The following DNHD1 variants were observed in gnomAD, a reference collection of about 807,000 sequenced individuals.
The protein encoded by DNHD1 is dynein heavy chain domain-containing protein 1.
A neutral mutation model predicts 458.1 loss-of-function variants in DNHD1; 383 were observed. The ratio of observed to expected loss-of-function variants is 0.84; its 90% confidence interval spans 0.77 to 0.91. The LOEUF (loss-of-function observed/expected upper bound fraction) is 0.91. DNHD1 is among the 40% of genes least tolerant of loss of function. DNHD1 has a pLI of 0.00. For synonymous variants in DNHD1, 2,203 were observed against 2,376.9 expected (o/e 0.93, Z 2.13); for missense variants, 5,336 against 5,866.1 (o/e 0.91, Z 2.95).
In DNHD1 at chr11:6,570,580, G is replaced by A. The variant is rs118142577; in HGVS notation, c.13106-38G>A. ...CTCTCTCGAGTCTAGGGTGGGGAGA[G>A]TCCATCTTGTCCCTCACCCCTCACC... On this transcript the variant is annotated intron_variant, in intron 41 of 42. Transcript: ENST00000254579. 14,821 of 1,541,960 alleles carry A rather than the reference G, an allele frequency of 9.6e-3. 106 individuals are homozygous for A. The highest frequency in any genetic ancestry group is 0.017 in the Middle Eastern group (74 of 4,340).
Position 6,547,903 on chromosome 11 carries a change from G to A in DNHD1, c.6768G>A (p.Arg2256=), listed in dbSNP as rs1443101213. The A allele has an allele frequency of 4.5e-6, 7 of 1,551,640 alleles. No homozygotes were observed. The highest frequency in any genetic ancestry group is 6.1e-6 in the Non-Finnish European group (7 of 1,147,020). The change falls in exon 22 of 43, where the codon AGG becomes AGA. Residue 2256 remains arginine (R), a synonymous_variant. Transcript: ENST00000254579. ...SYSDPVAQSF[R]SSKSSFLNRS... is the part of the protein sequence containing the mutation. ...GTGATCCTGTGGCCCAAAGCTTCAG[G>A]TCTTCAAAAAGCAGCTTTCTAAACC...
rs747988608 is a variant in DNHD1 at position 6,533,172 on chromosome 11, G to C, written c.2493G>C (p.Gln831His). The change falls in exon 13 of 43, where the codon CAG (glutamine) becomes CAC (histidine). Residue 831 changes from glutamine (Q) to histidine (H), a missense_variant. Gln to His is a conservative substitution (Grantham distance 24). Transcript: ENST00000254579. ...TINSDIHAIA[Q>H]CTQKLNEANE... is the part of the protein sequence containing the mutation. ...ACTCAGATATTCATGCCATTGCACAGTGCACCCAGAAGGTGGGCTCTCCCC... is the reference window on the plus strand; with the variant it reads ...ACTCAGATATTCATGCCATTGCACACTGCACCCAGAAGGTGGGCTCTCCCC... 2 of 1,551,484 alleles carry C rather than the reference G, an allele frequency of 1.3e-6. No individual in the cohort carries two copies. The highest frequency in any genetic ancestry group is 1.7e-6 in the Non-Finnish European group (2 of 1,146,948).
Position 6,548,401 on chromosome 11 carries a change from A to G in DNHD1, c.7097A>G (p.Gln2366Arg), listed in dbSNP as rs1361364262. 6.4e-7 allele frequency: 1 copy of G among 1,551,588 alleles called. No homozygotes were observed. Among genetic ancestry groups the G allele is most frequent in the Non-Finnish European group, 8.7e-7 (1 of 1,146,910 alleles). The change falls in exon 23 of 43, where the codon CAG (glutamine) becomes CGG (arginine). Residue 2366 changes from glutamine to arginine, a missense_variant and splice_region_variant. This residue lies in a region of DNHD1 where 3,932 missense variants were observed against 4,365.6 expected (regional missense o/e 0.90). Transcript: ENST00000254579. The surrounding 1 kb of genome is among the most constrained non-coding windows in gnomAD (Gnocchi z 4.4). Reference sequence around the variant, plus strand: ...TTGGGCACCTTTCACCCTTCTATCCAGGTGTGAGGACAGTAAGGCAAGAGC... The same window carrying G: ...TTGGGCACCTTTCACCCTTCTATCCGGGTGTGAGGACAGTAAGGCAAGAGC... ...GTLGTFHPSI[Q>R]TERLLYVVDL...
intron 18 of DNHD1, among the ~76,000 whole-genome samples, chr11:6,540,649 A>C (rs1853079478): frequency 6.6e-6 from 1 of 152,210 alleles, no homozygotes; most frequent in Non-Finnish European, 1.5e-5. Context: ...CAGAGAGAGA[A>C]TTAGAGAAGT....
chr11:6,559,055 T>C lies in DNHD1; in HGVS notation c.9365T>C (p.Phe3122Ser), dbSNP rs1434613959. Residue 3122 changes from phenylalanine (F) to serine (S), a missense_variant, in exon 27 of 43, where the codon TTC (phenylalanine) becomes TCC (serine). Transcript: ENST00000254579. ...PKTFLDFLDT[F>S]LMLQQQTILK... is the part of the protein sequence containing the mutation. ...ACCTTCCTAGACTTCCTGGACACTT[T>C]CCTGATGCTGCAGCAACAGACAATC... 23 of 1,551,526 alleles carry C rather than the reference T, an allele frequency of 1.5e-5. No individual in the cohort carries two copies. Among genetic ancestry groups the C allele is most frequent in the African/African-American group, 2.7e-5 (2 of 72,996 alleles).
At position 6,560,715 on chromosome 11, in the gene DNHD1, T is replaced by C. The variant is rs554028154; in HGVS notation, c.9519+1432T>C. Among the ~76,000 whole-genome samples, 4 of 152,234 alleles carry C rather than the reference T, an allele frequency of 2.6e-5. No individual in the cohort carries two copies. In the East Asian group the frequency reaches 5.8e-4, roughly 22 times the overall value. ...GTCGTTCATTCAATAGCCATAATAG[T>C]GTGTACTTCTTCCAGTGTTCCCCAC... On this transcript the variant is annotated intron_variant, in intron 28 of 42. Transcript: ENST00000254579.
In DNHD1 at chr11:6,558,497, A is replaced by T. The variant is rs751477830; in HGVS notation, c.9015A>T (p.Gln3005His). 9 of 1,551,694 alleles carry T rather than the reference A, an allele frequency of 5.8e-6. No homozygotes were observed. In the South Asian group the frequency reaches 9.5e-5, roughly 16 times the overall value. ...CCCTGGCCCACAGGTTCCACCAGCA[A>T]GTGTGCAGCCACCTTCACCTGTTCT... ...KEMVLQRFHQ[Q>H]VCSHLHLFFL... is the part of the protein sequence containing the mutation. Residue 3005 changes from glutamine (Q) to histidine (H), a missense_variant, in exon 26 of 43, where the codon CAA becomes CAT. Gln to His is a conservative substitution (Grantham distance 24). Around this residue, in one of 4 missense-constraint regions of DNHD1, gnomAD observed 3,932 missense variants for 4,365.6 expected, o/e 0.90. Transcript: ENST00000254579.
chr11:6,532,967 C>T, intron 12 of DNHD1, 60 bp from the exon 13 acceptor site: 2 of 1,502,896 alleles, frequency 1.3e-6, no homozygotes, highest in Admixed American at 4.0e-5. Flanking sequence ...GACCACAGCA[C>T]TGTCCCCAGC....
rs1564995608 is a variant in DNHD1, at chr11:6,508,869, T to C, written c.921-11T>C. 1.2e-6 allele frequency: 2 copies of C among 1,613,644 alleles called. No homozygotes were observed. The highest frequency in any genetic ancestry group is 8.5e-7 in the Non-Finnish European group (1 of 1,179,902). On this transcript the variant is annotated splice_polypyrimidine_tract_variant and intron_variant, in intron 4 of 42. Coordinates refer to ENST00000254579, the MANE Select transcript of DNHD1 (RefSeq NM_144666.3). ...CCAGGGCCTTCACTGATCAGAGCTCTTTTTTTAAAGGCCTTACAGCCTGAT... is the reference window on the plus strand; with the variant it reads ...CCAGGGCCTTCACTGATCAGAGCTCCTTTTTTAAAGGCCTTACAGCCTGAT...
chr11:6,544,884 T>C lies in DNHD1; in HGVS notation c.3945T>C (p.Ser1315=), dbSNP rs1391737755. 3.2e-6 allele frequency: 5 copies of C among 1,551,660 alleles called. No individual in the cohort carries two copies. Among genetic ancestry groups the C allele is most frequent in the Admixed American group, 3.9e-5 (2 of 51,006 alleles). Residue 1315 remains serine, a synonymous_variant, in exon 21 of 43, where the codon AGT becomes AGC. Transcript: ENST00000254579. ...TGGTTCTGTCACTTGTAGTGCCCAG[T>C]GCCGAGAGGAGCCCTTACTTCCAAG... The part of the protein sequence containing the change: ...DPMVLSLVVP[S]AERSPYFQGQ...
chr11:6,567,661 G>C lies in DNHD1; in HGVS notation c.12152G>C (p.Cys4051Ser). Residue 4051 changes from cysteine (C) to serine (S), a missense_variant, in exon 36 of 43, where the codon TGC becomes TCC. Around this residue, in one of 4 missense-constraint regions of DNHD1, gnomAD observed 695 missense variants for 804.2 expected, o/e 0.86. Coordinates refer to ENST00000254579, the MANE Select transcript of DNHD1 (RefSeq NM_144666.3). ...CTGTGGCGCGTTCTGCGACCTGAGT[G>C]CCTGGCAGGTGCCCTGGCAGACTTC... is the stretch of plus-strand genomic sequence containing the variant. ...LILWRVLRPE[C>S]LAGALADFTT... is the part of the protein sequence containing the mutation. 3 of 1,613,902 alleles carry C rather than the reference G, an allele frequency of 1.9e-6. No homozygotes were observed.
In DNHD1 at chr11:6,546,170, T is replaced by C; in HGVS notation, c.5231T>C (p.Leu1744Pro). The C allele has an allele frequency of 6.4e-7, 1 of 1,551,012 alleles. No homozygotes were observed. The highest frequency in any genetic ancestry group is 1.2e-5 in the South Asian group (1 of 83,962). The change falls in exon 21 of 43, where the codon CTG becomes CCG. Residue 1744 changes from leucine to proline, a missense_variant. Transcript: ENST00000254579. The part of the protein sequence containing the change: ...AWLLLEKVHQ[L>P]PPGLLSALGQ... ...CTGCTGTTGGAGAAAGTTCATCAGC[T>C]GCCCCCTGGCTTGCTCTCTGCCCTG...
Position 6,564,115 on chromosome 11 carries a change from A to G in DNHD1, c.10275A>G (p.Thr3425=). Residue 3425 remains threonine, a synonymous_variant, in exon 31 of 43, where the codon ACA becomes ACG. Transcript: ENST00000254579. ...ALLTPMRAWT[T]QLQKLKGRCM... ...TCACGCCTATGCGTGCCTGGACTAC[A>G]CAGCTCCAGGTAACCATCCCCCTCC... 6.5e-7 allele frequency: 1 copy of G among 1,548,610 alleles called. No individual in the cohort carries two copies.
At position 6,558,103 on chromosome 11, in the gene DNHD1, G is replaced by A; in HGVS notation, c.8808G>A (p.Met2936Ile). The change falls in exon 25 of 43, where the codon ATG becomes ATA. Residue 2936 changes from methionine to isoleucine, a missense_variant. This residue lies in a region of DNHD1 where 3,932 missense variants were observed against 4,365.6 expected (regional missense o/e 0.90). Transcript: ENST00000254579. ...CLRDASWHAG[M>I]LSQPVALLVP... ...GAGATGCCAGCTGGCATGCTGGCAT[G>A]TTAAGCCAGCCAGTGGCTCTGTTGG... 1.9e-6 allele frequency: 3 copies of A among 1,551,712 alleles called. No individual in the cohort carries two copies. Among genetic ancestry groups the A allele is most frequent in the Non-Finnish European group, 2.6e-6 (3 of 1,146,998 alleles).
chr11:6,502,476 C>A (rs1487890421), intron 3 of DNHD1, among the ~76,000 whole-genome samples: 3 of 152,206 alleles, frequency 2.0e-5, no homozygotes, highest in African/African-American at 7.2e-5. Flanking sequence ...TAATTCCAAT[C>A]AATCCAGAAT....
chr11:6,571,802 C>T lies in DNHD1; in HGVS notation c.14078C>T (p.Thr4693Ile). Residue 4693 changes from threonine (T) to isoleucine (I), a missense_variant, in exon 43 of 43, where the codon ACC becomes ATC. Thr to Ile is a moderately conservative substitution (Grantham distance 89). Transcript: ENST00000254579. The surrounding 1 kb of genome is among the most constrained non-coding windows in gnomAD (Gnocchi z 5.0). ...AGCATCAGCACACAGGCCCCGGGCA[C>T]CAGTGACCTGCCAGCCCCAGCCGAC... ...PVSISTQAPG[T>I]SDLPAPADLT... is the part of the protein sequence containing the mutation. The T allele has an allele frequency of 6.2e-7, 1 of 1,614,004 alleles. No individual in the cohort carries two copies. Among genetic ancestry groups the T allele is most frequent in the East Asian group, 2.2e-5 (1 of 44,880 alleles).
chr11:6,512,211 CTTTTTTTTTTTTTTT>C (rs11287049), intron 7 of DNHD1, among the ~76,000 whole-genome samples: 2 of 91,630 alleles, frequency 2.2e-5, no homozygotes, highest in Admixed American at 1.3e-4. Context: ...CTTTTTCTTT[CTTTTTTTTTTTTTTT>C]TTTTTTTTTT....
intron 38 of DNHD1, 35 bp downstream of exon 38, chr11:6,568,611 G>A: frequency 6.2e-7 from 1 of 1,613,802 alleles, no homozygotes; most frequent in Non-Finnish European, 8.5e-7. Context: ...CTCTCAAATT[G>A]GAAGTGGGAG....
At chr11:6,512,123 C>G (rs1418421992) in intron 7 of DNHD1, among the ~76,000 whole-genome samples, 1 of 151,716 alleles carries the variant, frequency 6.6e-6, no homozygotes, top group Non-Finnish European at 1.5e-5. Context: ...TTGCTCTAAA[C>G]TCCATCAGAG....
Sources: allele counts gnomAD v4.1 joint callset (sites outside exome capture counted in the v4.1 genomes callset), GRCh38; gene constraint gnomAD v4.1.1; regional missense constraint gnomAD v4.1.1; non-coding constraint Gnocchi (gnomAD v3.1); transcripts MANE v1.5; gene names NCBI Gene and HGNC (gene_info 2026-07-23, HGNC 2026-07-21).